The following NASP variants were observed in gnomAD, a reference collection of about 807,000 sequenced individuals.
NASP encodes NASP histone chaperone.
NASP carries 24 observed loss-of-function variants against 89.5 expected under a neutral mutation model. The ratio of observed to expected loss-of-function variants is 0.27; its 90% CI spans 0.19 to 0.38. The LOEUF is 0.38. NASP is among the 10% of genes least tolerant of loss of function. The pLI, the probability that NASP is intolerant of heterozygous loss-of-function variation, is 1.00. For synonymous variants in NASP, 306 were observed against 324.7 expected (o/e 0.94, Z 0.62); for missense variants, 848 against 921.4 (o/e 0.92, Z 1.03).
intron 3 of NASP, among the ~76,000 whole-genome samples, chr1:45,603,012 A>G (rs1570977019): frequency 6.6e-6 from 1 of 152,176 alleles, no homozygotes; most frequent in Admixed American, 6.5e-5. Context: ...TGATAGTGCT[A>G]TTATTAGCAC....
Position 45,588,606 on chromosome 1 carries a change from G to T in NASP, c.60-2617G>T, listed in dbSNP as rs185940970. On this transcript the variant is annotated intron_variant, in intron 1 of 14. Transcript: ENST00000350030. ...TTAACCCTATCTTTGACTATTCGAT[G>T]GGTAAAACATACTTTCTAAGTATAG... is the stretch of plus-strand genomic sequence containing the variant. 1.5e-3 allele frequency: 694 copies of T among 452,788 alleles called. 1 individual carries two copies. The highest frequency in any genetic ancestry group is 2.6e-3 in the Middle Eastern group (8 of 3,054). The allele number at this position is 452,788 out of a possible 1,614,324, so 28.0% of individuals were successfully genotyped here. A position where few individuals can be genotyped will look rare whatever the true frequency, so the allele number is the denominator to read the frequency against.
At position 45,584,106 on chromosome 1, in the gene NASP, A is replaced by T; in HGVS notation, c.-41A>T. ...GTCCCAAATTGCCTGTTTTTCTCGC[A>T]GGCTCTATTCCGTTCGCTGGTTCGC... On this transcript the variant is annotated 5_prime_UTR_variant, in exon 1 of 15. Coordinates refer to ENST00000350030, the MANE Select transcript of NASP (RefSeq NM_002482.4). The T allele has an allele frequency of 6.5e-7, 1 of 1,543,088 alleles. No homozygotes were observed. The highest frequency in any genetic ancestry group is 1.9e-5 in the Admixed American group (1 of 51,458).
Position 45,614,344 on chromosome 1 carries a change from C to G in NASP, c.1644C>G (p.Leu548=). ...ATGCTGCCCAGGCACATCTTAAACT[C>G]GGAGAAGTTAGTGTTGAATCTGGTA... The part of the protein sequence containing the change: ...QLYAAQAHLK[L]GEVSVESENY... Residue 548 remains leucine, a synonymous_variant, in exon 9 of 15, where the codon CTC becomes CTG. Transcript: ENST00000350030. 6.2e-7 allele frequency: 1 copy of G among 1,613,718 alleles called. No individual in the cohort carries two copies.
At chr1:45,613,990 C>T (rs1644060764) in intron 7 of NASP, 106 bp from the exon 8 acceptor site, 1 of 856,482 alleles carries the variant, frequency 1.2e-6, no homozygotes. Flanking sequence ...GGAGAAAGTC[C>T]AAATTTTGAA....
chr1:45,591,442 C>T (rs1026441702), intron 2 of NASP, among the ~76,000 whole-genome samples, 172 bp downstream of exon 2: 1 of 152,210 alleles, frequency 6.6e-6, no homozygotes, highest in African/African-American at 2.4e-5. Context: ...CAACCTTGAA[C>T]TCCTGGGCTC....
intron 2 of NASP, 30 bp downstream of exon 2, chr1:45,591,300 G>A (rs893449898): frequency 7.7e-5 from 106 of 1,382,776 alleles, no homozygotes; most frequent in Non-Finnish European, 9.9e-5. Context: ...AGTTAGATTC[G>A]TATCAGAAAC....
In NASP at chr1:45,618,380, C is replaced by T; in HGVS notation, c.*239C>T. 1 of 392,166 alleles carries T rather than the reference C, an allele frequency of 2.5e-6. No individual in the cohort carries two copies. The highest frequency in any genetic ancestry group is 4.8e-6 in the Non-Finnish European group (1 of 207,068). 24.3% of individuals were successfully genotyped at this position (392,166 alleles called of 1,614,324 possible). ...CTGTGTTCCTGATCCTAATTCCTAT[C>T]TGTCTAACGTGGAGGTGATCAAGTG... On this transcript the variant is annotated 3_prime_UTR_variant, in exon 15 of 15. Coordinates refer to ENST00000350030, the MANE Select transcript of NASP (RefSeq NM_002482.4).
At chr1:45,609,830 T>G (rs1227882821) in intron 6 of NASP, 1 of 152,218 alleles carries the variant, frequency 6.6e-6, no homozygotes, top group Non-Finnish European at 1.5e-5. Flanking sequence ...AGATCTGCCT[T>G]GAATATATTA....
At chr1:45,600,275 T>A in intron 2 of NASP, 2 of 561,030 alleles carry the variant, frequency 3.6e-6, no homozygotes, top group Middle Eastern at 3.6e-4. Context: ...CAATTATGAG[T>A]TTCTACATAT....
chr1:45,617,322 T>C (rs1210568441), intron 13 of NASP, 141 bp from the exon 14 acceptor site: 1 of 942,496 alleles, frequency 1.1e-6, no homozygotes, highest in Non-Finnish European at 1.6e-6. Flanking sequence ...GGCATCTGCC[T>C]GTGGCTAGGG....
chr1:45,604,195 A>G (rs1265853050), intron 3 of NASP, among the ~76,000 whole-genome samples: 10 of 152,170 alleles, frequency 6.6e-5, no homozygotes. Flanking sequence ...CTGACTTTGC[A>G]TGAATTCTGC....
At chr1:45,584,449 G>C (rs1427493328) in intron 1 of NASP, among the ~76,000 whole-genome samples, 1 of 152,206 alleles carries the variant, frequency 6.6e-6, no homozygotes, top group African/African-American at 2.4e-5. Context: ...ATCTTGCCGG[G>C]GGCAGCGGCG....
chr1:45,586,286 T>TGGG (rs1239048389), intron 1 of NASP, among the ~76,000 whole-genome samples: 4 of 88,338 alleles, frequency 4.5e-5, no homozygotes, highest in African/African-American at 2.1e-4. Flanking sequence ...GTGTGTGTGG[T>TGGG]GTGTGTGTGT....
intron 6 of NASP, chr1:45,611,313 A>C (rs1387031733): frequency 6.6e-6 from 1 of 152,192 alleles, no homozygotes; most frequent in Non-Finnish European, 1.5e-5. Context: ...AAATATCTTA[A>C]TTACTTGGAA....
At chr1:45,597,531 G>A (rs1179045429) in intron 2 of NASP, among the ~76,000 whole-genome samples, 1 of 152,070 alleles carries the variant, frequency 6.6e-6, no homozygotes, top group Non-Finnish European at 1.5e-5. Flanking sequence ...TTGTAAAAAT[G>A]TAAAACAGTG....
chr1:45,592,195 G>A (rs1643567076), intron 2 of NASP, among the ~76,000 whole-genome samples: 1 of 152,212 alleles, frequency 6.6e-6, no homozygotes, highest in African/African-American at 2.4e-5. Flanking sequence ...ATGTTGGCCA[G>A]GTTGGTCTTG....
At chr1:45,597,102 A>G (rs915024116) in intron 2 of NASP, among the ~76,000 whole-genome samples, 1 of 152,186 alleles carries the variant, frequency 6.6e-6, no homozygotes, top group African/African-American at 2.4e-5. Flanking sequence ...TGAGGTCAGG[A>G]GTTTGAGACC....
At position 45,616,397 on chromosome 1, in the gene NASP, C is replaced by A. The variant is rs371222754; in HGVS notation, c.2079+4C>A. The A allele has an allele frequency of 6.2e-7, 1 of 1,613,646 alleles. No homozygotes were observed. The highest frequency in any genetic ancestry group is 8.5e-7 in the Non-Finnish European group (1 of 1,179,636). ...AGGAGGCTCTTCAGTCTCCATGGTG[C>A]GTATTCAGGTGGTTTTTTGGTCACT... is the stretch of plus-strand genomic sequence containing the variant. On this transcript the variant is annotated splice_donor_region_variant and intron_variant, in intron 12 of 14. Coordinates refer to ENST00000350030, the MANE Select transcript of NASP (RefSeq NM_002482.4).
intron 5 of NASP, 155 bp downstream of exon 5, chr1:45,606,746 T>C: frequency 2.0e-6 from 1 of 490,820 alleles, no homozygotes; most frequent in Non-Finnish European, 3.6e-6. Context: ...TGGGGATAGC[T>C]GTTTACTGAA....
Sources: gnomAD v4.1 joint callset for allele counts (sites outside exome capture counted in the v4.1 genomes callset) on GRCh38, gnomAD v4.1.1 for gene constraint, MANE v1.5 for transcripts, NCBI Gene and HGNC (gene_info 2026-07-23, HGNC 2026-07-21) for gene names.